PDE4B: variants seen among roughly 807,000 people sequenced by gnomAD.
PDE4B encodes phosphodiesterase 4B, also known as 3',5'-cyclic-AMP phosphodiesterase 4B.
A neutral mutation model predicts 82.2 loss-of-function variants in PDE4B; 20 were observed. The observed-to-expected ratio is 0.24, with a 90% CI of 0.17 to 0.35. PDE4B has a LOEUF of 0.35. PDE4B is among the 10% of genes least tolerant of loss of function. The pLI is 1.00. For missense variants in PDE4B, 655 were observed against 907.2 expected (o/e 0.72, Z 3.57); for synonymous variants, 320 against 318.9 (o/e 1.00, Z -0.04).
chr1:66,009,112 G>A (rs1478129357), intron 3 of PDE4B, among the ~76,000 whole-genome samples: 2 of 152,106 alleles, frequency 1.3e-5, no homozygotes, highest in Admixed American at 1.3e-4. Flanking sequence ...TGCCCTTGAT[G>A]TAACATGTTC....
At chr1:65,966,918 TA>T (rs534610063) in intron 3 of PDE4B, among the ~76,000 whole-genome samples, 295 of 152,216 alleles carry the variant, frequency 1.9e-3, no homozygotes, top group African/African-American at 6.9e-3. Flanking sequence ...ACATAAGATC[TA>T]AAACCATAAA....
intron 1 of PDE4B, among the ~76,000 whole-genome samples, chr1:65,858,792 C>A (rs1646422749): frequency 6.6e-6 from 1 of 152,060 alleles, no homozygotes; most frequent in Admixed American, 6.5e-5. Flanking sequence ...AACAAAAAGA[C>A]AGAAAATTTA....
intron 3 of PDE4B, among the ~76,000 whole-genome samples, chr1:66,199,094 A>C (rs1648621817): frequency 6.6e-6 from 1 of 151,812 alleles, no homozygotes; most frequent in African/African-American, 2.4e-5. Flanking sequence ...TCTTTATAGC[A>C]GCATGATTTA....
chr1:65,819,477 G>T (rs902343360), intron 1 of PDE4B, among the ~76,000 whole-genome samples: 5 of 149,608 alleles, frequency 3.3e-5, no homozygotes, highest in Non-Finnish European at 5.9e-5. Flanking sequence ...TCCATTCTCT[G>T]CTTATTCTCT....
chr1:66,216,363 A>G (rs1650459420), intron 3 of PDE4B, among the ~76,000 whole-genome samples: 1 of 151,378 alleles, frequency 6.6e-6, no homozygotes, highest in African/African-American at 2.4e-5. Context: ...GTATATTTGA[A>G]GAAAGCAATT....
chr1:65,895,693 A>G (rs555984523), intron 1 of PDE4B, among the ~76,000 whole-genome samples: 1 of 151,742 alleles, frequency 6.6e-6, no homozygotes, highest in South Asian at 2.1e-4. Context: ...CCTTCTTTAA[A>G]TAAGTGGATG....
intron 1 of PDE4B, among the ~76,000 whole-genome samples, chr1:65,878,248 T>G (rs1416903643): frequency 6.6e-6 from 1 of 152,124 alleles, no homozygotes; most frequent in African/African-American, 2.4e-5. Flanking sequence ...CTGGAGAGGA[T>G]GTGGAGAAAT....
At chr1:66,041,821 CACACACAT>C (rs1417348178) in intron 3 of PDE4B, among the ~76,000 whole-genome samples, 1,052 of 81,788 alleles carry the variant, frequency 0.013, 10 homozygotes, top group Non-Finnish European at 0.02. Context: ...CACACACACA[CACACACAT>C]ACACACACAC....
At chr1:66,218,006 C>T (rs943758355) in intron 3 of PDE4B, among the ~76,000 whole-genome samples, 13 of 152,002 alleles carry the variant, frequency 8.6e-5, no homozygotes, top group African/African-American at 3.1e-4. Flanking sequence ...ATTAAGCTGA[C>T]AACATTATAG....
intron 3 of PDE4B, among the ~76,000 whole-genome samples, chr1:66,137,041 G>C (rs1333367993): frequency 6.6e-6 from 1 of 152,168 alleles, no homozygotes; most frequent in African/African-American, 2.4e-5. Flanking sequence ...AAATGGCAAG[G>C]GTTTTTGAGA....
intron 1 of PDE4B, among the ~76,000 whole-genome samples, chr1:65,863,555 T>C (rs1646478063): frequency 6.6e-6 from 1 of 152,242 alleles, no homozygotes; most frequent in African/African-American, 2.4e-5. Context: ...GTCCTGAATA[T>C]GCTTGCTAAT....
At chr1:66,308,942 C>T (rs1214984129) in intron 7 of PDE4B, among the ~76,000 whole-genome samples, 3 of 152,038 alleles carry the variant, frequency 2.0e-5, no homozygotes, top group African/African-American at 4.8e-5. Context: ...CTACAAACAG[C>T]CTTGTAATTA....
At chr1:66,297,869 A>G (rs546491447) in intron 7 of PDE4B, among the ~76,000 whole-genome samples, 1 of 152,230 alleles carries the variant, frequency 6.6e-6, no homozygotes. Flanking sequence ...AAGTTAAATG[A>G]TCCAATTTAT....
intron 3 of PDE4B, among the ~76,000 whole-genome samples, chr1:65,954,691 C>G (rs559319909): frequency 4.5e-4 from 69 of 152,072 alleles, no homozygotes; most frequent in African/African-American, 1.6e-3. Context: ...ATTTTAAAAA[C>G]AGAAGTATGA....
At chr1:66,285,606 T>G (rs1656621436) in intron 7 of PDE4B, among the ~76,000 whole-genome samples, 1 of 152,174 alleles carries the variant, frequency 6.6e-6, no homozygotes, top group South Asian at 2.1e-4. Flanking sequence ...TTTGATTTTC[T>G]GTTTCTGAGT....
At chr1:66,147,709 T>C (rs549660686) in intron 3 of PDE4B, among the ~76,000 whole-genome samples, 1 of 152,322 alleles carries the variant, frequency 6.6e-6, no homozygotes, top group East Asian at 1.9e-4. Context: ...GGGCGTTTCT[T>C]AGCCACTTTA....
chr1:66,350,246 C>T (rs889436846), intron 8 of PDE4B, among the ~76,000 whole-genome samples: 4 of 152,136 alleles, frequency 2.6e-5, no homozygotes, highest in South Asian at 2.1e-4. Flanking sequence ...TTAATGACTT[C>T]GGCAGTTGTT....
intron 3 of PDE4B, among the ~76,000 whole-genome samples, chr1:66,047,473 A>C (rs1453411491): frequency 6.6e-6 from 1 of 151,914 alleles, no homozygotes; most frequent in East Asian, 1.9e-4. Context: ...TGAGTCAGTC[A>C]GATCTCCAGA....
intron 3 of PDE4B, among the ~76,000 whole-genome samples, chr1:66,087,074 C>G (rs576909183): frequency 3.9e-5 from 6 of 152,172 alleles, no homozygotes; most frequent in Admixed American, 1.3e-4. Context: ...TGTACCTGTT[C>G]TTTATATTCA....
Sources: gnomAD v4.1 joint callset for allele counts (sites outside exome capture counted in the v4.1 genomes callset) on GRCh38, gnomAD v4.1.1 for gene constraint, MANE v1.5 for transcripts, NCBI Gene and HGNC (gene_info 2026-07-23, HGNC 2026-07-21) for gene names.